The following MVB12A variants were observed in gnomAD, a reference collection of about 807,000 sequenced individuals.
The protein encoded by MVB12A is multivesicular body subunit 12A, also known as CIN85/CD2AP family binding protein.
In MVB12A, 30 loss-of-function variants were observed where a neutral mutation model predicts 34.3. That is an observed-to-expected ratio of 0.88 (90% CI 0.65 to 1.19). The LOEUF (loss-of-function observed/expected upper bound fraction) is 1.19, where lower values mean the gene tolerates loss of function less well. Ranked by LOEUF, MVB12A falls within the 50% of genes most tolerant of loss-of-function variation. The pLI is 0.00. For synonymous variants in MVB12A, 158 were observed against 158.9 expected (o/e 0.99, Z 0.04); for missense variants, 355 against 369.2 (o/e 0.96, Z 0.31).
Position 17,425,298 on chromosome 19 carries a change from G to A in MVB12A, c.*305G>A. 2.5e-6 allele frequency: 1 copy of A among 399,966 alleles called. No homozygotes were observed. Among genetic ancestry groups the A allele is most frequent in the Non-Finnish European group, 4.5e-6 (1 of 222,992 alleles). The allele number at this position is 399,966 out of a possible 1,614,324, so 24.8% of individuals were successfully genotyped here. On this transcript the variant is annotated 3_prime_UTR_variant, in exon 9 of 9. Transcript: ENST00000317040. The stretch of plus-strand genomic sequence containing the variant: ...TCTGGGGTCCGGAGGCTGTGCGGGT[G>A]TCCTCCTGGCAATAAACACTACCCG...
intron 2 of MVB12A, among the ~76,000 whole-genome samples, chr19:17,410,480 T>G (rs2074757130): frequency 8.3e-6 from 1 of 120,930 alleles, no homozygotes; most frequent in African/African-American, 3.3e-5. Context: ...CCGCTAGCAT[T>G]CTTTTGGTTT....
At chr19:17,410,495 T>TATATATATATATATATATA (rs1252681143) in intron 2 of MVB12A, among the ~76,000 whole-genome samples, 1 of 55,214 alleles carries the variant, frequency 1.8e-5, no homozygotes, top group Non-Finnish European at 3.4e-5. Context: ...TGGTTTTAGC[T>TATATATATATATATATATA]TCATATATAT....
intron 2 of MVB12A, among the ~76,000 whole-genome samples, chr19:17,407,909 T>A (rs2074739696): frequency 6.6e-6 from 1 of 152,222 alleles, no homozygotes; most frequent in African/African-American, 2.4e-5. Context: ...ACGGGCGTCT[T>A]CCCAGACGCT....
chr19:17,424,459 T>C (rs2074857508), intron 7 of MVB12A, among the ~76,000 whole-genome samples, 162 bp from the exon 8 acceptor site: 7 of 151,596 alleles, frequency 4.6e-5, no homozygotes, highest in Admixed American at 4.6e-4. Context: ...TTAGAGACTT[T>C]GTCTCTAAAA....
At chr19:17,420,743 C>T in intron 3 of MVB12A, 109 bp downstream of exon 3, 1 of 736,786 alleles carries the variant, frequency 1.4e-6, no homozygotes, top group East Asian at 2.6e-5. Flanking sequence ...CCCTGGCACA[C>T]GGGGTGATGA....
At position 17,424,933 on chromosome 19, in the gene MVB12A, T is replaced by C. The variant is rs747015036; in HGVS notation, c.762T>C (p.Tyr254=). 9 of 1,607,816 alleles carry C rather than the reference T, an allele frequency of 5.6e-6. No individual in the cohort carries two copies. Among genetic ancestry groups the C allele is most frequent in the South Asian group, 4.4e-5 (4 of 90,498 alleles). The change falls in exon 9 of 9, where the codon TAT becomes TAC. Residue 254 remains tyrosine (Y), a splice_region_variant and synonymous_variant. Coordinates refer to ENST00000317040, the MANE Select transcript of MVB12A (RefSeq NM_138401.4). ...CTCTCTCTCTCCCCATCCCCCAGTATAACTACGGCTTCGTGGTGGAGAAGA... is the reference window on the plus strand; with the variant it reads ...CTCTCTCTCTCCCCATCCCCCAGTACAACTACGGCTTCGTGGTGGAGAAGA... ...IKSLADIEEE[Y]NYGFVVEKTA... is the part of the protein sequence containing the mutation.
At chr19:17,420,701 G>C in intron 3 of MVB12A, 67 bp downstream of exon 3, 1 of 1,180,510 alleles carries the variant, frequency 8.5e-7, no homozygotes, top group Non-Finnish European at 1.3e-6. Context: ...GAGGAGGGAC[G>C]ACGGGCGCGC....
At chr19:17,408,711 T>A (rs2074744301) in intron 2 of MVB12A, among the ~76,000 whole-genome samples, 1 of 151,182 alleles carries the variant, frequency 6.6e-6, no homozygotes, top group East Asian at 1.9e-4. Flanking sequence ...CCTCCCAAAG[T>A]GCTGGGATTA....
chr19:17,423,346 C>A, intron 4 of MVB12A, 152 bp from the exon 5 acceptor site: 1 of 1,026,112 alleles, frequency 9.7e-7, no homozygotes, highest in Non-Finnish European at 1.4e-6. Context: ...GCAACATGAG[C>A]GAAACTCCGT....
At chr19:17,423,888 C>G in intron 6 of MVB12A, 89 bp downstream of exon 6, 3 of 1,553,626 alleles carry the variant, frequency 1.9e-6, no homozygotes, top group African/African-American at 2.7e-5. Flanking sequence ...TCCTACTTCC[C>G]TCTCCCAACT....
rs766917671 is a variant in MVB12A at position 17,420,639 on chromosome 19, G to C, written c.286+5G>C. ...TCTGCGACCCCATGGATTCCAGTAA[G>C]GGCTGCTTCGGAGGCGAGAGTTGTC... On this transcript the variant is annotated splice_donor_5th_base_variant and intron_variant, in intron 3 of 8. Coordinates refer to ENST00000317040, the MANE Select transcript of MVB12A (RefSeq NM_138401.4). 1 of 1,603,032 alleles carries C rather than the reference G, an allele frequency of 6.2e-7. No homozygotes were observed. Among genetic ancestry groups the C allele is most frequent in the Non-Finnish European group, 8.5e-7 (1 of 1,170,172 alleles).
Position 17,425,128 on chromosome 19 carries a change from T to C in MVB12A, c.*135T>C, listed in dbSNP as rs1287959012. 12 of 620,356 alleles carry C rather than the reference T, an allele frequency of 1.9e-5. No homozygotes were observed. Among genetic ancestry groups the C allele is most frequent in the Non-Finnish European group, 2.9e-5 (10 of 349,630 alleles). 38.4% of individuals were successfully genotyped at this position (620,356 alleles called of 1,614,324 possible). A position where few individuals can be genotyped will look rare whatever the true frequency, so the allele number is the denominator to read the frequency against. ...CCTTCGCCCTGCAAGGCGTTTGCTA[T>C]CTTCAGCCACTGGGCGGAGCTGCAG... On this transcript the variant is annotated 3_prime_UTR_variant, in exon 9 of 9. Coordinates refer to ENST00000317040, the MANE Select transcript of MVB12A (RefSeq NM_138401.4).
At chr19:17,424,534 G>T (rs1018747237) in intron 7 of MVB12A, 87 bp from the exon 8 acceptor site, 2 of 1,340,188 alleles carry the variant, frequency 1.5e-6, no homozygotes, top group African/African-American at 1.4e-5. Context: ...GGGGAGTGTT[G>T]GGGGGAGGGC....
chr19:17,417,213 CTTTTTTT>C (rs35583565), upstream of MVB12A: 29 of 96,998 alleles, frequency 3.0e-4, 1 homozygote, highest in African/African-American at 1.1e-3. Context: ...TCACCCAGAG[CTTTTTTT>C]TTTTTTTTTT....
intron 2 of MVB12A, among the ~76,000 whole-genome samples, chr19:17,412,918 C>A (rs2074777852): frequency 6.6e-6 from 1 of 152,096 alleles, no homozygotes; most frequent in Admixed American, 6.6e-5. Flanking sequence ...ATTCAGCAGA[C>A]TGGTTCCGTG....
chr19:17,420,553 G>C lies in MVB12A; in HGVS notation c.205G>C (p.Val69Leu). 1 of 1,613,900 alleles carries C rather than the reference G, an allele frequency of 6.2e-7. No homozygotes were observed. Among genetic ancestry groups the C allele is most frequent in the South Asian group, 1.1e-5 (1 of 91,066 alleles). ...CCACCCCCAGAACCCGCAGGAGAACGTGGTGGCCGATATCCAGATCGTGGT... is the reference window on the plus strand; with the variant it reads ...CCACCCCCAGAACCCGCAGGAGAACCTGGTGGCCGATATCCAGATCGTGGT... ...LGSLENPQEN[V>L]VADIQIVVDK... The change falls in exon 3 of 9, where the codon GTG (valine) becomes CTG (leucine). Residue 69 changes from valine (V) to leucine (L), a missense_variant. Coordinates refer to ENST00000317040, the MANE Select transcript of MVB12A (RefSeq NM_138401.4).
At chr19:17,424,551 C>G in intron 7 of MVB12A, 70 bp from the exon 8 acceptor site, 17 of 1,511,570 alleles carry the variant, frequency 1.1e-5, no homozygotes, top group Non-Finnish European at 1.5e-5. Flanking sequence ...GGGCAGGACC[C>G]CTTGAAGACG....
chr19:17,422,279 C>G, intron 3 of MVB12A, 53 bp from the exon 4 acceptor site: 1 of 1,567,494 alleles, frequency 6.4e-7, no homozygotes, highest in South Asian at 1.2e-5. Flanking sequence ...ATCTTTGGGC[C>G]TTCCCACCCC....
At chr19:17,417,570 C>G (rs944687851), upstream of MVB12A, 3 of 151,584 alleles carry the variant, frequency 2.0e-5, no homozygotes, top group African/African-American at 7.3e-5. Context: ...TGCGCCACTG[C>G]ACTCCAGCCT....
Sources: allele counts gnomAD v4.1 joint callset (sites outside exome capture counted in the v4.1 genomes callset), GRCh38; gene constraint gnomAD v4.1.1; transcripts MANE v1.5; gene names NCBI Gene and HGNC (gene_info 2026-07-23, HGNC 2026-07-21).